PINX1: variants seen among roughly 807,000 people sequenced by gnomAD.
The protein encoded by PINX1 is PIN2 (TERF1) interacting telomerase inhibitor 1, also known as PIN2/TERF1-interacting telomerase inhibitor 1.
A neutral mutation model predicts 25.4 loss-of-function variants in PINX1; 34 were observed. The ratio of observed to expected loss-of-function variants is 1.34; its 90% CI spans 1.02 to 1.78. The LOEUF (loss-of-function observed/expected upper bound fraction) is 1.78. Ranked by LOEUF, PINX1 falls within the 40% of genes most tolerant of loss-of-function variation. The pLI is 0.00. For synonymous variants in PINX1, 197 were observed against 147.7 expected, an observed-to-expected ratio of 1.33 and a Z score of -2.42; for missense variants, 592 against 404.9, an observed-to-expected ratio of 1.46 and a Z score of -3.97.
chr8:10,796,243 C>A (rs952786589), intron 6 of PINX1, among the ~76,000 whole-genome samples: 1 of 152,098 alleles, frequency 6.6e-6, no homozygotes, highest in Non-Finnish European at 1.5e-5. Flanking sequence ...AGAAACAGGG[C>A]AGCTTGGGGG....
chr8:10,826,363 T>C (rs1328478176), intron 4 of PINX1, 119 bp from the exon 5 acceptor site: 2 of 572,032 alleles, frequency 3.5e-6, no homozygotes, highest in East Asian at 6.0e-5. Context: ...GATTGAACTC[T>C]TTCATTCATT....
intron 6 of PINX1, among the ~76,000 whole-genome samples, chr8:10,770,052 G>A (rs1049182173): frequency 1.3e-5 from 2 of 152,232 alleles, no homozygotes; most frequent in Non-Finnish European, 2.9e-5. Context: ...GCTTAAAAGA[G>A]TTTTATAATT....
chr8:10,813,889 G>A lies in PINX1; in HGVS notation c.471+6304C>T, dbSNP rs115521245. Among the ~76,000 whole-genome samples the A allele has an allele frequency of 1.9e-3, 290 of 149,496 alleles. 1 individual carries two copies. The highest frequency in any genetic ancestry group is 6.9e-3 in the African/African-American group (281 of 40,974). ...AGAGAGGAAGGAAACTGGGAAGGTG[G>A]GGGAGGGAAAAAAATGAGAGAGGAA... On this transcript the variant is annotated intron_variant, in intron 6 of 6. Coordinates refer to ENST00000314787, the MANE Select transcript of PINX1 (RefSeq NM_017884.6).
At chr8:10,800,142 C>T (rs1382165503) in intron 6 of PINX1, among the ~76,000 whole-genome samples, 1 of 152,142 alleles carries the variant, frequency 6.6e-6, no homozygotes, top group Non-Finnish European at 1.5e-5. Context: ...TTTTCTATCT[C>T]CACTGTCACT....
intron 6 of PINX1, among the ~76,000 whole-genome samples, chr8:10,792,359 G>C (rs1801950780): frequency 6.6e-6 from 1 of 152,018 alleles, no homozygotes; most frequent in Non-Finnish European, 1.5e-5. Flanking sequence ...CAGGAGGGCA[G>C]GAACCCACCT....
At chr8:10,804,031 T>C (rs1280363207) in intron 6 of PINX1, among the ~76,000 whole-genome samples, 3 of 152,208 alleles carry the variant, frequency 2.0e-5, no homozygotes, top group African/African-American at 7.2e-5. Flanking sequence ...CCTAGTTACC[T>C]AGTGAGCAAC....
intron 6 of PINX1, among the ~76,000 whole-genome samples, chr8:10,772,158 A>C (rs1405123181): frequency 6.6e-6 from 1 of 152,222 alleles, no homozygotes; most frequent in Non-Finnish European, 1.5e-5. Flanking sequence ...AAGAGAAGAG[A>C]GTTCTCGTGC....
chr8:10,799,550 C>A (rs1467392518), intron 6 of PINX1, among the ~76,000 whole-genome samples: 2 of 152,186 alleles, frequency 1.3e-5, no homozygotes, highest in East Asian at 3.9e-4. Context: ...AACTTCAATA[C>A]GCTTTGAAAT....
At chr8:10,773,167 G>A (rs1801283205) in intron 6 of PINX1, among the ~76,000 whole-genome samples, 1 of 152,120 alleles carries the variant, frequency 6.6e-6, no homozygotes, top group African/African-American at 2.4e-5. Flanking sequence ...ATACAATACG[G>A]CTGACTTTTG....
chr8:10,779,193 CT>C (rs1801506265), intron 6 of PINX1, among the ~76,000 whole-genome samples: 1 of 152,200 alleles, frequency 6.6e-6, no homozygotes, highest in Non-Finnish European at 1.5e-5. Flanking sequence ...GCAGCAAGCC[CT>C]GCAGAGTCTG....
At chr8:10,814,679 G>A (rs1797641474) in intron 6 of PINX1, among the ~76,000 whole-genome samples, 1 of 152,140 alleles carries the variant, frequency 6.6e-6, no homozygotes, top group Non-Finnish European at 1.5e-5. Flanking sequence ...TTATTAGAAC[G>A]TTTCAAAAGG....
intron 6 of PINX1, among the ~76,000 whole-genome samples, chr8:10,775,410 G>GTTTTTTTTTTTTTTTTTTTTTT (rs143926728): frequency 3.6e-5 from 4 of 109,614 alleles, no homozygotes; most frequent in African/African-American, 6.4e-5. Context: ...CTGTTTTGTG[G>GTTTTTTTTTTTTTTTTTTTTTT]TTTTTTTTTT....
intron 6 of PINX1, among the ~76,000 whole-genome samples, chr8:10,782,129 T>A (rs1364044421): frequency 6.6e-6 from 1 of 152,098 alleles, no homozygotes; most frequent in Non-Finnish European, 1.5e-5. Flanking sequence ...TAAGATGGAA[T>A]AGAAATAGAG....
chr8:10,783,280 T>A (rs1801650314), intron 6 of PINX1, among the ~76,000 whole-genome samples: 1 of 152,160 alleles, frequency 6.6e-6, no homozygotes, highest in Admixed American at 6.5e-5. Context: ...CCTTTAGAGA[T>A]AAATACTCAA....
intron 6 of PINX1, among the ~76,000 whole-genome samples, chr8:10,805,403 A>G: frequency 6.6e-6 from 1 of 151,174 alleles, no homozygotes; most frequent in Non-Finnish European, 1.5e-5. Flanking sequence ...AGACAACCAG[A>G]GTACTCGAAG....
At chr8:10,832,501 C>T (rs1366009438) in intron 3 of PINX1, among the ~76,000 whole-genome samples, 3 of 152,220 alleles carry the variant, frequency 2.0e-5, no homozygotes, top group Non-Finnish European at 4.4e-5. Context: ...TTGAAATCAA[C>T]TTTATATAAA....
At chr8:10,821,398 G>A (rs1292859151) in intron 5 of PINX1, among the ~76,000 whole-genome samples, 3 of 152,246 alleles carry the variant, frequency 2.0e-5, no homozygotes, top group African/African-American at 7.2e-5. Context: ...AGTACCAGAT[G>A]AAGTGGCCCA....
In PINX1 at chr8:10,765,736, C is replaced by CT; in HGVS notation, c.651dup (p.Glu218ArgfsTer5). ...CTTTCCACATCTTTACCTGTGGCCT[C>CT]TTTATTTCTTTTCTTCCCCCTTTTA... On this transcript the variant is annotated frameshift_variant, in exon 7 of 7. Coordinates refer to ENST00000314787, the MANE Select transcript of PINX1 (RefSeq NM_017884.6). LOFTEE classifies it low-confidence loss of function (END_TRUNC). The CT allele has an allele frequency of 6.2e-7, 1 of 1,614,022 alleles. No homozygotes were observed. The highest frequency in any genetic ancestry group is 8.5e-7 in the Non-Finnish European group (1 of 1,179,894).
At chr8:10,781,924 AAACATCCT>A (rs1412587916) in intron 6 of PINX1, among the ~76,000 whole-genome samples, 1 of 151,836 alleles carries the variant, frequency 6.6e-6, no homozygotes, top group African/African-American at 2.4e-5. Flanking sequence ...CAAGACATGG[AAACATCCT>A]AAGTGTCTGT....
Sources: gnomAD v4.1 joint callset for allele counts (sites outside exome capture counted in the v4.1 genomes callset) on GRCh38, gnomAD v4.1.1 for gene constraint, MANE v1.5 for transcripts, NCBI Gene and HGNC (gene_info 2026-07-23, HGNC 2026-07-21) for gene names.